The following SLC5A10 variants were observed in gnomAD, a reference collection of about 807,000 sequenced individuals.
The protein encoded by SLC5A10 is sodium/mannose cotransporter SLC5A10.
A neutral mutation model predicts 68.9 loss-of-function variants in SLC5A10; 55 were observed. The ratio of observed to expected loss-of-function variants is 0.80; its 90% CI spans 0.64 to 1.00. The LOEUF (loss-of-function observed/expected upper bound fraction) is 1.00. Ranked by LOEUF, SLC5A10 falls within the 50% of genes least tolerant of loss-of-function variation. The pLI, the probability that SLC5A10 is intolerant of heterozygous loss-of-function variation, is 0.00. For synonymous variants in SLC5A10, 344 were observed against 344.8 expected (o/e 1.00, Z 0.02); for missense variants, 732 against 819.3 (o/e 0.89, Z 1.30).
At chr17:18,964,839 G>C (rs1183786177) in intron 5 of SLC5A10, among the ~76,000 whole-genome samples, 1 of 152,202 alleles carries the variant, frequency 6.6e-6, no homozygotes, top group Non-Finnish European at 1.5e-5. Flanking sequence ...CTTATTCCTG[G>C]AATGGTAGAA....
intron 1 of SLC5A10, among the ~76,000 whole-genome samples, chr17:18,955,229 A>T (rs1023176561): frequency 1.3e-5 from 2 of 152,148 alleles, no homozygotes; most frequent in Non-Finnish European, 2.9e-5. Context: ...CTCAGCCTCC[A>T]TCCATGTGTA....
At chr17:18,962,766 T>C (rs1361346942) in intron 5 of SLC5A10, among the ~76,000 whole-genome samples, 1 of 152,070 alleles carries the variant, frequency 6.6e-6, no homozygotes, top group East Asian at 1.9e-4. Flanking sequence ...GAGGCCAGGC[T>C]TGTGAGGAGG....
At chr17:18,989,512 CT>C (rs2043357492) in intron 9 of SLC5A10, among the ~76,000 whole-genome samples, 1 of 152,266 alleles carries the variant, frequency 6.6e-6, no homozygotes, top group African/African-American at 2.4e-5. Flanking sequence ...CATACCTGCC[CT>C]GCCTCAAACT....
chr17:19,020,045 C>A, intron 13 of SLC5A10, 110 bp from the exon 14 acceptor site: 2 of 1,436,096 alleles, frequency 1.4e-6, no homozygotes, highest in African/African-American at 1.4e-5. Context: ...TAGCCCCGTC[C>A]CTTTTTGAAC....
intron 9 of SLC5A10, 82 bp from the exon 10 acceptor site, chr17:19,013,328 G>A (rs1004572375): frequency 1.9e-6 from 3 of 1,578,510 alleles, no homozygotes; most frequent in Non-Finnish European, 2.6e-6. Flanking sequence ...TCTGGGCCAG[G>A]CTCCTGCCCC....
At chr17:18,974,452 T>C (rs1418163013) in intron 8 of SLC5A10, among the ~76,000 whole-genome samples, 2 of 152,240 alleles carry the variant, frequency 1.3e-5, no homozygotes, top group Non-Finnish European at 1.5e-5. Flanking sequence ...TGCCCCTCCC[T>C]GGGCCTTGGT....
rs1342456616 is a variant in SLC5A10, at chr17:19,003,150, C to A, written c.983-10260C>A. On this transcript the variant is annotated intron_variant, in intron 9 of 14. Transcript: ENST00000395645. This position sits in a 1 kb window ranked among gnomAD's most constrained non-coding sequence, Gnocchi z 4.5. ...CCAGAGAGCTCATGGTGTGTGCGCG[C>A]CTTTACAGTGAATCAGAGCCACTCT... Among the ~76,000 whole-genome samples, 1 of 151,562 alleles carries A rather than the reference C, an allele frequency of 6.6e-6. No individual in the cohort carries two copies. Among genetic ancestry groups the A allele is most frequent in the Non-Finnish European group, 1.5e-5 (1 of 67,890 alleles).
At chr17:18,990,847 A>G (rs1481494563) in intron 9 of SLC5A10, among the ~76,000 whole-genome samples, 1 of 152,174 alleles carries the variant, frequency 6.6e-6, no homozygotes, top group Non-Finnish European at 1.5e-5. Context: ...TGGAGCCACA[A>G]AGGTTTCTTG....
Position 19,017,320 on chromosome 17 carries a change from C to T in SLC5A10, c.1242-2103C>T. ...CCTCAACACCCCCAGCCCCTCAAAG[C>T]CGTCTCAGCTTCCTCCTGCCCGAAA... On this transcript the variant is annotated intron_variant, in intron 11 of 14. Coordinates refer to ENST00000395645, the MANE Select transcript of SLC5A10 (RefSeq NM_001042450.4). This position sits in a 1 kb window ranked among gnomAD's most constrained non-coding sequence, Gnocchi z 5.6. The T allele has an allele frequency of 1.3e-6, 2 of 1,552,114 alleles. No homozygotes were observed. The highest frequency in any genetic ancestry group is 2.4e-5 in the South Asian group (2 of 84,068).
Position 18,971,598 on chromosome 17 carries a change from G to A in SLC5A10, c.846+380G>A, listed in dbSNP as rs2042856283. 5 of 1,613,474 alleles carry A rather than the reference G, an allele frequency of 3.1e-6. No individual in the cohort carries two copies. Among genetic ancestry groups the A allele is most frequent in the South Asian group, 2.2e-5 (2 of 91,088 alleles). ...CGGGGTACCTGACCTCCCTTGGCCT[G>A]CCAGTGGTGGGGGCCAGCCATGGCT... On this transcript the variant is annotated intron_variant, in intron 8 of 14. Coordinates refer to ENST00000395645, the MANE Select transcript of SLC5A10 (RefSeq NM_001042450.4). This position sits in a 1 kb window ranked among gnomAD's most constrained non-coding sequence, Gnocchi z 5.5.
chr17:18,956,864 C>T (rs999658562), intron 1 of SLC5A10, among the ~76,000 whole-genome samples: 3 of 152,102 alleles, frequency 2.0e-5, no homozygotes, highest in African/African-American at 4.8e-5. Context: ...CAGCATGCTA[C>T]GTGTACTAAC....
chr17:18,999,377 G>A (rs1196419463), intron 9 of SLC5A10, among the ~76,000 whole-genome samples: 1 of 152,204 alleles, frequency 6.6e-6, no homozygotes, highest in Non-Finnish European at 1.5e-5. Context: ...GGCTCAGAAG[G>A]AACAGTGCCA....
At chr17:18,995,713 G>T (rs2043550120) in intron 9 of SLC5A10, among the ~76,000 whole-genome samples, 1 of 152,082 alleles carries the variant, frequency 6.6e-6, no homozygotes, top group South Asian at 2.1e-4. Context: ...TTGGAGACCA[G>T]CCTGGCCAAC....
intron 8 of SLC5A10, among the ~76,000 whole-genome samples, chr17:18,974,021 T>C (rs2042920982): frequency 6.6e-6 from 1 of 151,822 alleles, no homozygotes; most frequent in Non-Finnish European, 1.5e-5. Context: ...GCCTCCTAAG[T>C]AGTTGGGATT....
At chr17:18,978,053 C>T in intron 9 of SLC5A10, 1 of 1,523,104 alleles carries the variant, frequency 6.6e-7, no homozygotes. Flanking sequence ...ATGGTCTGTC[C>T]CATTCTGGGG....
At chr17:19,012,930 C>T (rs2044046475) in intron 9 of SLC5A10, among the ~76,000 whole-genome samples, 2 of 152,214 alleles carry the variant, frequency 1.3e-5, no homozygotes, top group South Asian at 2.1e-4. Flanking sequence ...TGACAGCACA[C>T]TCAAGCCGGC....
chr17:18,978,618 C>G, intron 9 of SLC5A10: 1 of 1,613,124 alleles, frequency 6.2e-7, no homozygotes, highest in Non-Finnish European at 8.5e-7. Context: ...TTGACAAGTG[C>G]GTACTTGGGG....
In SLC5A10 at chr17:19,020,486, T is replaced by A; in HGVS notation, c.*55T>A. 6.4e-7 allele frequency: 1 copy of A among 1,551,480 alleles called. No individual in the cohort carries two copies. The highest frequency in any genetic ancestry group is 1.1e-5 in the South Asian group (1 of 89,228). Reference sequence around the variant, plus strand: ...CTCTGAGTCCTCAGGTCCACCCATTTCCCTCATGGGGATCCCGAGGCCCCA... The same window carrying A: ...CTCTGAGTCCTCAGGTCCACCCATTACCCTCATGGGGATCCCGAGGCCCCA... On this transcript the variant is annotated 3_prime_UTR_variant, in exon 15 of 15. Transcript: ENST00000395645.
chr17:18,982,034 T>C (rs562721028), intron 9 of SLC5A10, among the ~76,000 whole-genome samples: 2 of 152,334 alleles, frequency 1.3e-5, no homozygotes, highest in Admixed American at 1.3e-4. Flanking sequence ...TCAGGACCCT[T>C]CTGGACAGTG....
Sources: gnomAD v4.1 joint callset for allele counts (sites outside exome capture counted in the v4.1 genomes callset) on GRCh38, gnomAD v4.1.1 for gene constraint, Gnocchi (gnomAD v3.1) non-coding constraint, MANE v1.5 for transcripts, NCBI Gene and HGNC (gene_info 2026-07-23, HGNC 2026-07-21) for gene names.